The following TRIP11 variants were observed in gnomAD, a reference collection of about 807,000 sequenced individuals.
TRIP11 encodes thyroid hormone receptor interactor 11.
Under a neutral mutation model 223.1 loss-of-function variants are expected in TRIP11, and 148 were observed. That is an observed-to-expected ratio of 0.66 (90% CI 0.58 to 0.76). The LOEUF (loss-of-function observed/expected upper bound fraction) is 0.76. Ranked by LOEUF, TRIP11 falls within the 30% of genes least tolerant of loss-of-function variation. The pLI, the probability that TRIP11 is intolerant of heterozygous loss-of-function variation, is 0.00. For missense variants in TRIP11, 2,043 were observed against 2,222.0 expected, an observed-to-expected ratio of 0.92 and a Z score of 1.62; for synonymous variants, 762 against 772.6, an observed-to-expected ratio of 0.99 and a Z score of 0.23.
chr14:91,982,581 A>G (rs931837790), intron 16 of TRIP11, among the ~76,000 whole-genome samples: 2 of 152,218 alleles, frequency 1.3e-5, no homozygotes, highest in African/African-American at 4.8e-5. Flanking sequence ...AAACCTATAC[A>G]AGTAACCCTG....
At chr14:92,018,728 G>A (rs1258271627) in intron 4 of TRIP11, among the ~76,000 whole-genome samples, 3 of 151,902 alleles carry the variant, frequency 2.0e-5, no homozygotes, top group African/African-American at 7.3e-5. Context: ...GGGAGGCAAG[G>A]CCGCTGGATC....
intron 16 of TRIP11, 95 bp downstream of exon 16, chr14:91,988,189 T>G: frequency 1.1e-6 from 1 of 881,188 alleles, no homozygotes; most frequent in Non-Finnish European, 1.8e-6. Flanking sequence ...TCAATGAAGT[T>G]GGTCTCACTC....
In TRIP11 at chr14:92,005,958, A is replaced by G. The variant is rs763665703; in HGVS notation, c.2018T>C (p.Phe673Ser). Residue 673 changes from phenylalanine (F) to serine (S), a missense_variant, in exon 11 of 21, where the codon TTT becomes TCT. Physicochemically the swap from Phe to Ser is radical, Grantham distance 155. Transcript: ENST00000267622. Reference sequence around the variant, plus strand: ...CTTTTCATTTTCCATTTTGACATCAAAAGCAACTTTCTTTAAATTTTCATT... The same window carrying G: ...CTTTTCATTTTCCATTTTGACATCAGAAGCAACTTTCTTTAAATTTTCATT... ...QLNENLKKVA[F>S]DVKMENEKLV... is the part of the protein sequence containing the mutation. 2 of 1,612,842 alleles carry G rather than the reference A, an allele frequency of 1.2e-6. No individual in the cohort carries two copies. Among genetic ancestry groups the G allele is most frequent in the South Asian group, 1.1e-5 (1 of 90,648 alleles).
chr14:92,005,989 G>C lies in TRIP11; in HGVS notation c.1987C>G (p.Gln663Glu), dbSNP rs2056896799. 6.2e-7 allele frequency: 1 copy of C among 1,600,304 alleles called. No homozygotes were observed. The highest frequency in any genetic ancestry group is 1.8e-5 in the Admixed American group (1 of 57,002). ...NLKQNLSELEQLNENLKKVAF... is the reference protein window; with the variant it reads ...NLKQNLSELEELNENLKKVAF... Reference sequence around the variant, plus strand: ...ACTTTCTTTAAATTTTCATTGAGCTGTTCTAATTCTGAAAGATTTTGCTTT... The same window carrying C: ...ACTTTCTTTAAATTTTCATTGAGCTCTTCTAATTCTGAAAGATTTTGCTTT... Residue 663 changes from glutamine (Q) to glutamate (E), a missense_variant, in exon 11 of 21, where the codon CAG becomes GAG. By Grantham distance (29) the Gln-to-Glu change is conservative. Coordinates refer to ENST00000267622, the MANE Select transcript of TRIP11 (RefSeq NM_004239.4).
chr14:92,023,224 T>C (rs1264180506), intron 3 of TRIP11, among the ~76,000 whole-genome samples: 1 of 152,226 alleles, frequency 6.6e-6, no homozygotes, highest in Non-Finnish European at 1.5e-5. Context: ...GGCATCAGAA[T>C]AACCTGTGGA....
intron 6 of TRIP11, 151 bp from the exon 7 acceptor site, chr14:92,014,728 A>T (rs1389584365): frequency 3.7e-6 from 3 of 808,308 alleles, no homozygotes; most frequent in African/African-American, 3.5e-5. Context: ...TAAAATAAAT[A>T]AGTTGGGGGA....
chr14:92,014,686 A>G (rs746135375), intron 6 of TRIP11, 109 bp from the exon 7 acceptor site: 86 of 1,221,694 alleles, frequency 7.0e-5, no homozygotes, highest in Admixed American at 1.8e-4. Flanking sequence ...GGAAAGCTTA[A>G]AAGTTAAATT....
chr14:92,038,613 C>A (rs1595419030), intron 1 of TRIP11, among the ~76,000 whole-genome samples: 1 of 148,622 alleles, frequency 6.7e-6, no homozygotes, highest in South Asian at 2.2e-4. Context: ...TATGAAGGAT[C>A]TGTTAAATTA....
intron 3 of TRIP11, among the ~76,000 whole-genome samples, chr14:92,024,938 C>T (rs552678831): frequency 6.6e-6 from 1 of 152,062 alleles, no homozygotes; most frequent in Non-Finnish European, 1.5e-5. Context: ...TGTAAATTAT[C>T]ATATATTTAA....
At chr14:92,035,849 A>T (rs1566878062) in intron 1 of TRIP11, among the ~76,000 whole-genome samples, 3 of 152,106 alleles carry the variant, frequency 2.0e-5, no homozygotes, top group Non-Finnish European at 4.4e-5. Flanking sequence ...AGTGCTCCCA[A>T]AGGGCTGGGA....
At chr14:92,022,987 A>G (rs529708457) in intron 3 of TRIP11, among the ~76,000 whole-genome samples, 70 of 152,346 alleles carry the variant, frequency 4.6e-4, no homozygotes, top group African/African-American at 1.6e-3. Flanking sequence ...ATATAATCAT[A>G]TATTTCATCC....
At chr14:91,984,514 C>A (rs2056582400) in intron 16 of TRIP11, among the ~76,000 whole-genome samples, 1 of 151,918 alleles carries the variant, frequency 6.6e-6, no homozygotes, top group African/African-American at 2.4e-5. Flanking sequence ...TGGGGTATCA[C>A]CATGTTGGCT....
intron 16 of TRIP11, among the ~76,000 whole-genome samples, chr14:91,981,161 G>A (rs1357514842): frequency 6.7e-6 from 1 of 149,550 alleles, no homozygotes; most frequent in African/African-American, 2.5e-5. Context: ...GATAACAAGC[G>A]CCTGCCACCA....
chr14:92,022,768 A>G (rs2057130344), intron 3 of TRIP11, among the ~76,000 whole-genome samples: 2 of 152,224 alleles, frequency 1.3e-5, no homozygotes, highest in African/African-American at 4.8e-5. Context: ...TATATGCATA[A>G]AGTTAAGCAA....
intron 15 of TRIP11, among the ~76,000 whole-genome samples, chr14:91,988,723 T>G (rs955511246): frequency 6.6e-6 from 1 of 152,142 alleles, no homozygotes; most frequent in Non-Finnish European, 1.5e-5. Flanking sequence ...TGTTCTCTTT[T>G]TCATTTTTGA....
In TRIP11 at chr14:92,037,341, A is replaced by G. The variant is rs1219587137; in HGVS notation, c.139+2206T>C. On this transcript the variant is annotated intron_variant, in intron 1 of 20. Transcript: ENST00000267622. The surrounding 1 kb of genome is among the most constrained non-coding windows in gnomAD (Gnocchi z 4.2). Reference sequence around the variant, plus strand: ...ACACAGATCACCAACATTCAACTCAACAACTCAACCTGTGTGGGAGTCAGA... The same window carrying G: ...ACACAGATCACCAACATTCAACTCAGCAACTCAACCTGTGTGGGAGTCAGA... Among the ~76,000 whole-genome samples the G allele has an allele frequency of 6.6e-6, 1 of 152,206 alleles. No individual in the cohort carries two copies. Among genetic ancestry groups the G allele is most frequent in the African/African-American group, 2.4e-5 (1 of 41,450 alleles).
At chr14:91,996,667 C>T (rs1323427959) in intron 13 of TRIP11, among the ~76,000 whole-genome samples, 1 of 152,180 alleles carries the variant, frequency 6.6e-6, no homozygotes, top group Non-Finnish European at 1.5e-5. Flanking sequence ...GTCATTTTGT[C>T]CAGCTCCCAA....
At chr14:91,988,731 T>C (rs2056637134) in intron 15 of TRIP11, among the ~76,000 whole-genome samples, 1 of 152,188 alleles carries the variant, frequency 6.6e-6, no homozygotes, top group Admixed American at 6.5e-5. Flanking sequence ...TTTTCATTTT[T>C]GAAAGTCTAA....
In TRIP11 at chr14:92,021,023, C is replaced by T. The variant is rs540293961; in HGVS notation, c.588+533G>A. Among the ~76,000 whole-genome samples, 90 of 143,750 alleles carry T rather than the reference C, an allele frequency of 6.3e-4. 2 individuals are homozygous for T. Among genetic ancestry groups the T allele is most frequent in the African/African-American group, 2.3e-3 (87 of 38,256 alleles). The allele number at this position is 143,750 out of a possible 152,430, so 94.3% of individuals were successfully genotyped here. A position where few individuals can be genotyped will look rare whatever the true frequency, so the allele number is the denominator to read the frequency against. Reference sequence around the variant, plus strand: ...AGGCGGAGGTTGCAGTGAGCCAATACTGTGCCACTGCATTCCAGCCTCGGT... The same window carrying T: ...AGGCGGAGGTTGCAGTGAGCCAATATTGTGCCACTGCATTCCAGCCTCGGT... On this transcript the variant is annotated intron_variant, in intron 4 of 20. Coordinates refer to ENST00000267622, the MANE Select transcript of TRIP11 (RefSeq NM_004239.4).
Sources: allele counts gnomAD v4.1 joint callset (sites outside exome capture counted in the v4.1 genomes callset), GRCh38; gene constraint gnomAD v4.1.1; non-coding constraint Gnocchi (gnomAD v3.1); transcripts MANE v1.5; gene names NCBI Gene and HGNC (gene_info 2026-07-23, HGNC 2026-07-21).